The following ITPR2 variants were observed in gnomAD, a reference collection of about 807,000 sequenced individuals.
The protein encoded by ITPR2 is inositol 1,4,5-trisphosphate receptor type 2, also known as inositol 1,4,5-trisphosphate-gated calcium channel ITPR2.
ITPR2 carries 207 observed loss-of-function variants against 317.1 expected under a neutral mutation model. That is an observed-to-expected ratio of 0.65 (90% CI 0.58 to 0.73). The LOEUF is 0.73. Among genes scored for constraint, ITPR2 ranks in the 30% least tolerant of loss-of-function variants. The pLI is 0.00. For synonymous variants in ITPR2, 1,156 were observed against 1,149.1 expected, an observed-to-expected ratio of 1.01 and a Z score of -0.12; for missense variants, 2,613 against 3,284.0, an observed-to-expected ratio of 0.80 and a Z score of 4.99.
At chr12:26,415,576 A>G in intron 50 of ITPR2, 78 bp from the exon 51 acceptor site, 1 of 1,019,832 alleles carries the variant, frequency 9.8e-7, no homozygotes, top group Non-Finnish European at 1.4e-6. Flanking sequence ...ATAATTACAA[A>G]TACAAATGCA....
chr12:26,762,994 G>A, intron 2 of ITPR2, among the ~76,000 whole-genome samples: 1 of 152,016 alleles, frequency 6.6e-6, no homozygotes, highest in South Asian at 2.1e-4. Context: ...GACATTTTAG[G>A]TTACAGAGCA....
chr12:26,461,261 ACT>A (rs1477208048), intron 45 of ITPR2, among the ~76,000 whole-genome samples: 5 of 152,110 alleles, frequency 3.3e-5, no homozygotes, highest in African/African-American at 1.2e-4. Flanking sequence ...AAAATAAATG[ACT>A]CAGTTTTCAC....
intron 45 of ITPR2, among the ~76,000 whole-genome samples, chr12:26,459,955 CCA>C (rs1941975332): frequency 6.6e-6 from 1 of 152,198 alleles, no homozygotes; most frequent in South Asian, 2.1e-4. Flanking sequence ...TCCTCTATCT[CCA>C]GTCTTTTGAA....
intron 55 of ITPR2, among the ~76,000 whole-genome samples, chr12:26,344,380 A>G (rs893824369): frequency 1.3e-5 from 2 of 152,206 alleles, no homozygotes; most frequent in African/African-American, 4.8e-5. Flanking sequence ...GCTTGGGGTA[A>G]GAAGGTACCA....
At position 26,785,331 on chromosome 12, in the gene ITPR2, G is replaced by A. The variant is rs1274865884; in HGVS notation, c.163+4826C>T. On this transcript the variant is annotated intron_variant, in intron 2 of 56. Coordinates refer to ENST00000381340, the MANE Select transcript of ITPR2 (RefSeq NM_002223.4). Reference sequence around the variant, plus strand: ...GGGTCAGCCCCCCGCCCGGCCAGCCGCCCCGTCCGGGAGGTGAGGGGCGCC... The same window carrying A: ...GGGTCAGCCCCCCGCCCGGCCAGCCACCCCGTCCGGGAGGTGAGGGGCGCC... Among the ~76,000 whole-genome samples, 4 of 35,794 alleles carry A rather than the reference G, an allele frequency of 1.1e-4. 1 individual carries two copies. The highest frequency in any genetic ancestry group is 8.2e-4 in the Admixed American group (2 of 2,436). 23.5% of individuals were successfully genotyped at this position (35,794 alleles called of 152,430 possible).
intron 52 of ITPR2, among the ~76,000 whole-genome samples, chr12:26,401,108 A>G (rs1475706825): frequency 4.6e-5 from 7 of 152,128 alleles, no homozygotes; most frequent in Non-Finnish European, 7.4e-5. Flanking sequence ...GTGTGCCTGT[A>G]ATCCTAGCTA....
At chr12:26,748,023 A>G (rs1194649321) in intron 2 of ITPR2, among the ~76,000 whole-genome samples, 1 of 151,956 alleles carries the variant, frequency 6.6e-6, no homozygotes, top group African/African-American at 2.4e-5. Context: ...TGAAGAAATC[A>G]TTTTTCCAGG....
intron 13 of ITPR2, among the ~76,000 whole-genome samples, chr12:26,674,707 C>A (rs1192150497): frequency 1.4e-4 from 21 of 152,300 alleles, no homozygotes; most frequent in Non-Finnish European, 2.2e-4. Context: ...GGATCTAATT[C>A]AACTAAAGAG....
intron 55 of ITPR2, among the ~76,000 whole-genome samples, chr12:26,358,567 G>A (rs1445363377): frequency 6.6e-6 from 1 of 151,912 alleles, no homozygotes; most frequent in East Asian, 1.9e-4. Flanking sequence ...TCCCGGCTGT[G>A]TTTTGTGGAT....
At chr12:26,391,559 T>C (rs866943904) in intron 54 of ITPR2, among the ~76,000 whole-genome samples, 865 of 67,748 alleles carry the variant, frequency 0.013, 47 homozygotes, top group African/African-American at 0.037. Context: ...TCTTTTCCTT[T>C]TTTTTTTTTT....
At chr12:26,624,660 CAACA>C (rs1182549325) in intron 23 of ITPR2, among the ~76,000 whole-genome samples, 1 of 151,366 alleles carries the variant, frequency 6.6e-6, no homozygotes, top group Admixed American at 6.6e-5. Context: ...GACTTTTATC[CAACA>C]AACAGGCAAT....
intron 21 of ITPR2, among the ~76,000 whole-genome samples, chr12:26,653,355 C>T (rs1947299876): frequency 6.7e-6 from 1 of 150,162 alleles, no homozygotes; most frequent in Admixed American, 6.7e-5. Context: ...AGCAATTCTA[C>T]CTCAGCCTCC....
intron 48 of ITPR2, among the ~76,000 whole-genome samples, chr12:26,434,833 G>A (rs777697148): frequency 6.6e-5 from 10 of 152,142 alleles, no homozygotes; most frequent in Non-Finnish European, 1.5e-4. Flanking sequence ...AGCATTCTGT[G>A]TGAAGATGAT....
intron 55 of ITPR2, among the ~76,000 whole-genome samples, chr12:26,362,187 T>C (rs1436419854): frequency 1.3e-5 from 2 of 152,206 alleles, no homozygotes; most frequent in African/African-American, 4.8e-5. Context: ...TGGAATCACT[T>C]GCAGATTGAC....
chr12:26,797,027 ACT>A (rs974910630), intron 1 of ITPR2, among the ~76,000 whole-genome samples: 5 of 152,034 alleles, frequency 3.3e-5, no homozygotes, highest in African/African-American at 1.2e-4. Context: ...ACAGAATGAG[ACT>A]CTGTCTCAAA....
At position 26,482,761 on chromosome 12, in the gene ITPR2, G is replaced by C. The variant is rs78760198; in HGVS notation, c.6012+937C>G. Among the ~76,000 whole-genome samples the C allele has an allele frequency of 8.7e-4, 133 of 152,324 alleles. 1 individual carries two copies. Among genetic ancestry groups the C allele is most frequent in the African/African-American group, 3.2e-3 (131 of 41,584 alleles). On this transcript the variant is annotated intron_variant, in intron 42 of 56. Transcript: ENST00000381340. ...CTATGCATGTACACATGTGTGTATAGATTCATAAATGTATGTGTGTGTGCA... is the reference window on the plus strand; with the variant it reads ...CTATGCATGTACACATGTGTGTATACATTCATAAATGTATGTGTGTGTGCA...
chr12:26,817,168 G>C (rs1389573383), intron 1 of ITPR2, among the ~76,000 whole-genome samples: 1 of 116,338 alleles, frequency 8.6e-6, no homozygotes, highest in Non-Finnish European at 1.6e-5. Flanking sequence ...GCGACAGACC[G>C]AGAGTCTCTT....
intron 55 of ITPR2, among the ~76,000 whole-genome samples, chr12:26,372,199 T>C (rs1214235057): frequency 6.6e-6 from 1 of 152,214 alleles, no homozygotes; most frequent in Non-Finnish European, 1.5e-5. Context: ...ATATTATTAT[T>C]TCTCATTAGG....
intron 45 of ITPR2, among the ~76,000 whole-genome samples, chr12:26,466,796 G>C (rs1942180727): frequency 6.6e-6 from 1 of 152,118 alleles, no homozygotes; most frequent in South Asian, 2.1e-4. Context: ...TAGCTAAACT[G>C]TTTGCATAAT....
Sources: gnomAD v4.1 joint callset for allele counts (sites outside exome capture counted in the v4.1 genomes callset) on GRCh38, gnomAD v4.1.1 for gene constraint, MANE v1.5 for transcripts, NCBI Gene and HGNC (gene_info 2026-07-23, HGNC 2026-07-21) for gene names.